The following SUPT3H variants were observed in gnomAD, a reference collection of about 807,000 sequenced individuals.
The protein encoded by SUPT3H is transcription initiation protein SPT3 homolog.
A neutral mutation model predicts 44.3 loss-of-function variants in SUPT3H; 44 were observed. That is an observed-to-expected ratio of 0.99 (90% CI 0.78 to 1.28). The LOEUF (loss-of-function observed/expected upper bound fraction) is 1.28, where lower values mean the gene tolerates loss of function less well. SUPT3H is among the 50% of genes most tolerant of loss of function. SUPT3H has a pLI of 0.00. For missense variants in SUPT3H, 380 were observed against 387.1 expected (o/e 0.98, Z 0.15); for synonymous variants, 124 against 125.6 (o/e 0.99, Z 0.09).
chr6:45,183,332 C>A (rs528246119), intron 2 of SUPT3H, among the ~76,000 whole-genome samples: 41 of 152,252 alleles, frequency 2.7e-4, no homozygotes, highest in African/African-American at 7.9e-4. Context: ...TGGAAAGTAA[C>A]TGCGGAATGT....
At chr6:45,270,022 A>C (rs1188215661) in intron 2 of SUPT3H, among the ~76,000 whole-genome samples, 1 of 152,214 alleles carries the variant, frequency 6.6e-6, no homozygotes, top group East Asian at 1.9e-4. Context: ...ATTACAAATA[A>C]GTGAAATCAT....
intron 6 of SUPT3H, among the ~76,000 whole-genome samples, chr6:44,968,604 T>C (rs1249818243): frequency 6.6e-6 from 1 of 152,144 alleles, no homozygotes; most frequent in East Asian, 1.9e-4. Flanking sequence ...TTTATTCCAC[T>C]GCAAAAGTCA....
intron 2 of SUPT3H, among the ~76,000 whole-genome samples, chr6:45,282,378 G>T (rs928417972): frequency 7.2e-5 from 11 of 152,250 alleles, no homozygotes; most frequent in African/African-American, 2.6e-4. Context: ...AACCAATGCA[G>T]AGAAGTCCTT....
At chr6:45,031,102 G>A (rs1303504539) in intron 3 of SUPT3H, among the ~76,000 whole-genome samples, 1 of 152,118 alleles carries the variant, frequency 6.6e-6, no homozygotes, top group African/African-American at 2.4e-5. Flanking sequence ...ATGTTTTAGT[G>A]AGGTAACATC....
chr6:45,195,349 G>A (rs979249310), intron 2 of SUPT3H, among the ~76,000 whole-genome samples: 6 of 152,110 alleles, frequency 3.9e-5, no homozygotes, highest in African/African-American at 1.4e-4. Context: ...AGGTTTTAAT[G>A]CTCTCAGCCT....
intron 10 of SUPT3H, among the ~76,000 whole-genome samples, chr6:44,843,814 G>A (rs1022331606): frequency 2.6e-5 from 4 of 151,400 alleles, no homozygotes; most frequent in African/African-American, 9.7e-5. Context: ...CTATAGAGTC[G>A]GTGTAATTCT....
At chr6:45,331,491 C>T (rs1219068655) in intron 2 of SUPT3H, among the ~76,000 whole-genome samples, 1 of 151,682 alleles carries the variant, frequency 6.6e-6, no homozygotes, top group East Asian at 1.9e-4. Context: ...AGCTAAATTC[C>T]AAAACTAGGG....
At chr6:44,823,473 G>T (rs192659547), downstream of SUPT3H, among the ~76,000 whole-genome samples, 903 of 152,254 alleles carry the variant, frequency 5.9e-3, 23 homozygotes, top group South Asian at 0.083. Context: ...GCTCCCAGGA[G>T]ACCTCATCTC....
chr6:45,349,071 C>T (rs1014120232), intron 2 of SUPT3H, among the ~76,000 whole-genome samples: 6 of 152,038 alleles, frequency 3.9e-5, no homozygotes, highest in Non-Finnish European at 7.4e-5. Flanking sequence ...TCTGTCATTA[C>T]GTAAATCAGT....
chr6:45,104,159 A>T (rs1033708043), intron 3 of SUPT3H, among the ~76,000 whole-genome samples: 4 of 152,078 alleles, frequency 2.6e-5, no homozygotes, highest in African/African-American at 9.7e-5. Flanking sequence ...GAAATGGTAG[A>T]TATGTGGGTA....
chr6:45,314,675 G>A (rs1018324305), intron 2 of SUPT3H, among the ~76,000 whole-genome samples: 10 of 152,110 alleles, frequency 6.6e-5, no homozygotes, highest in African/African-American at 1.7e-4. Context: ...CTATGCTCAC[G>A]GATGGCCAGA....
chr6:45,102,873 A>G (rs890394396), intron 3 of SUPT3H, among the ~76,000 whole-genome samples: 3 of 151,892 alleles, frequency 2.0e-5, no homozygotes, highest in Non-Finnish European at 2.9e-5. Context: ...CAGGAGTTGG[A>G]GATTGTAGTG....
chr6:44,970,737 A>G (rs1434007102), intron 6 of SUPT3H, among the ~76,000 whole-genome samples: 1 of 152,204 alleles, frequency 6.6e-6, no homozygotes, highest in Non-Finnish European at 1.5e-5. Flanking sequence ...CAGCAAGCAT[A>G]TAGGGATATG....
At chr6:44,923,913 G>A (rs1454611863) in intron 10 of SUPT3H, among the ~76,000 whole-genome samples, 2 of 151,852 alleles carry the variant, frequency 1.3e-5, no homozygotes, top group African/African-American at 2.4e-5. Context: ...TTACAATAGC[G>A]GAAAATGAAG....
chr6:45,014,772 G>A, intron 5 of SUPT3H, 29 bp downstream of exon 5: 1 of 1,486,354 alleles, frequency 6.7e-7, no homozygotes. Context: ...ATAAGCTCAT[G>A]TTTTAGTTTT....
At chr6:45,055,624 G>T (rs1206055932) in intron 3 of SUPT3H, among the ~76,000 whole-genome samples, 1 of 152,130 alleles carries the variant, frequency 6.6e-6, no homozygotes, top group Non-Finnish European at 1.5e-5. Context: ...GCTACACGTA[G>T]AAGAATGAAA....
At chr6:45,129,796 T>G (rs977622785) in intron 2 of SUPT3H, among the ~76,000 whole-genome samples, 1 of 152,114 alleles carries the variant, frequency 6.6e-6, no homozygotes, top group African/African-American at 2.4e-5. Context: ...CAATTGGATA[T>G]TCTCTTTTGG....
At chr6:44,947,654 CAG>C (rs1361734801) in intron 9 of SUPT3H, among the ~76,000 whole-genome samples, 10 of 151,898 alleles carry the variant, frequency 6.6e-5, no homozygotes, top group African/African-American at 2.2e-4. Context: ...TAAAAAATAA[CAG>C]AGTTTGAAGA....
intron 3 of SUPT3H, among the ~76,000 whole-genome samples, chr6:45,094,845 T>G (rs1797593153): frequency 6.6e-6 from 1 of 152,150 alleles, no homozygotes; most frequent in Non-Finnish European, 1.5e-5. Context: ...TCCATAATAC[T>G]TCATTTTTAC....
Sources: allele counts gnomAD v4.1 joint callset (sites outside exome capture counted in the v4.1 genomes callset), GRCh38; gene constraint gnomAD v4.1.1; transcripts MANE v1.5; gene names NCBI Gene and HGNC (gene_info 2026-07-23, HGNC 2026-07-21).